Variants in MYT1L observed in about 807,000 individuals in gnomAD.
MYT1L encodes the protein myelin transcription factor 1 like.
In MYT1L, 12 loss-of-function variants were observed where a neutral mutation model predicts 126.7. The observed-to-expected ratio is 0.09, with a 90% CI of 0.06 to 0.15. MYT1L has a LOEUF of 0.15. MYT1L is among the 10% of genes least tolerant of loss of function. The probability of loss-of-function intolerance (pLI) is 1.00; values close to 1 mark genes in which losing one functional copy is unlikely to be tolerated. For synonymous variants in MYT1L, 541 were observed against 604.2 expected, an observed-to-expected ratio of 0.90 and a Z score of 1.53; for missense variants, 979 against 1,585.2, an observed-to-expected ratio of 0.62 and a Z score of 6.49.
chr2:2,194,744 A>G (rs1179467185), intron 2 of MYT1L, among the ~76,000 whole-genome samples: 1 of 152,210 alleles, frequency 6.6e-6, no homozygotes, highest in Non-Finnish European at 1.5e-5. Context: ...CTCTAAAGCC[A>G]AGAACCTTCA....
In MYT1L at chr2:2,276,994, T is replaced by C. The variant is rs191734666; in HGVS notation, c.-421+7410A>G. On this transcript the variant is annotated intron_variant, in intron 2 of 24. Transcript: ENST00000647738. Reference sequence around the variant, plus strand: ...TGATTCTTTTTTTTTCTCTTTTTCTTTTTTTGAGACAGAGTCTCACTCTGT... The same window carrying C: ...TGATTCTTTTTTTTTCTCTTTTTCTCTTTTTGAGACAGAGTCTCACTCTGT... Among the ~76,000 whole-genome samples, 476 of 152,194 alleles carry C rather than the reference T, an allele frequency of 3.1e-3. 3 individuals carry two copies. Among genetic ancestry groups the C allele is most frequent in the Middle Eastern group, 0.014 (4 of 294 alleles).
chr2:1,813,907 G>C (rs1415570507), intron 21 of MYT1L, among the ~76,000 whole-genome samples: 1 of 122,484 alleles, frequency 8.2e-6, no homozygotes, highest in South Asian at 3.6e-4. Flanking sequence ...GGCGCCTGTA[G>C]TCCCAGCTAC....
At chr2:2,185,274 C>T (rs1394480721) in intron 2 of MYT1L, among the ~76,000 whole-genome samples, 1 of 152,240 alleles carries the variant, frequency 6.6e-6, no homozygotes, top group Middle Eastern at 3.2e-3. Flanking sequence ...GCTTATATAA[C>T]ATATTTGTGC....
intron 4 of MYT1L, among the ~76,000 whole-genome samples, chr2:2,005,189 T>C (rs936309078): frequency 4.0e-5 from 6 of 150,816 alleles, no homozygotes; most frequent in African/African-American, 9.8e-5. Flanking sequence ...CATGTGTTTT[T>C]TCCTGCAGGC....
intron 2 of MYT1L, among the ~76,000 whole-genome samples, chr2:2,284,016 G>C (rs956436576): frequency 3.3e-5 from 5 of 152,196 alleles, no homozygotes; most frequent in African/African-American, 1.2e-4. Flanking sequence ...GAAGGAGTAG[G>C]AGTGGGAGGA....
chr2:2,185,010 C>T (rs2091967304), intron 2 of MYT1L, among the ~76,000 whole-genome samples: 1 of 152,170 alleles, frequency 6.6e-6, no homozygotes, highest in South Asian at 2.1e-4. Flanking sequence ...GTAATTGCGT[C>T]TACTTTAGAA....
At chr2:2,273,382 G>C (rs2095302450) in intron 2 of MYT1L, among the ~76,000 whole-genome samples, 2 of 152,204 alleles carry the variant, frequency 1.3e-5, no homozygotes, top group African/African-American at 4.8e-5. Flanking sequence ...ACAGAAAGTG[G>C]GTGGCCATGG....
chr2:1,944,178 G>A (rs997536350), intron 8 of MYT1L, among the ~76,000 whole-genome samples: 1 of 151,948 alleles, frequency 6.6e-6, no homozygotes, highest in African/African-American at 2.4e-5. Flanking sequence ...ATGTATATGT[G>A]TGCCATGTTG....
intron 18 of MYT1L, chr2:1,885,143 G>T (rs999597784): frequency 1.3e-5 from 2 of 152,230 alleles, no homozygotes; most frequent in African/African-American, 4.8e-5. Context: ...CCCTCATCAA[G>T]AAATTCAAAG....
chr2:2,285,303 A>G (rs1470481068), intron 1 of MYT1L, among the ~76,000 whole-genome samples: 1 of 152,196 alleles, frequency 6.6e-6, no homozygotes, highest in African/African-American at 2.4e-5. Flanking sequence ...ATCTAAGGCC[A>G]TATCAGGACA....
At chr2:2,259,403 A>G (rs2094901729) in intron 2 of MYT1L, among the ~76,000 whole-genome samples, 1 of 124,942 alleles carries the variant, frequency 8.0e-6, no homozygotes, top group African/African-American at 3.8e-5. Flanking sequence ...ATAAAAAAAA[A>G]AACATTAAAA....
At chr2:1,891,042 A>C (rs983183714) in intron 15 of MYT1L, among the ~76,000 whole-genome samples, 12 of 152,184 alleles carry the variant, frequency 7.9e-5, no homozygotes, top group Admixed American at 2.0e-4. Flanking sequence ...AATCTCTTCC[A>C]TGCTAACCTT....
At chr2:2,088,196 C>T (rs2076546929) in intron 3 of MYT1L, among the ~76,000 whole-genome samples, 1 of 152,216 alleles carries the variant, frequency 6.6e-6, no homozygotes, top group African/African-American at 2.4e-5. Flanking sequence ...AAGGGGACTT[C>T]TCTGACTTGG....
chr2:2,065,825 C>CAT (rs1265892120), intron 3 of MYT1L, among the ~76,000 whole-genome samples: 1 of 86,088 alleles, frequency 1.2e-5, no homozygotes, highest in Non-Finnish European at 2.4e-5. Flanking sequence ...CTCTTTTATA[C>CAT]ACACACACAC....
intron 3 of MYT1L, among the ~76,000 whole-genome samples, chr2:2,106,246 G>A (rs1405084202): frequency 6.6e-6 from 1 of 152,182 alleles, no homozygotes; most frequent in African/African-American, 2.4e-5. Flanking sequence ...AGTCTTTATT[G>A]TAATTGGTTG....
chr2:2,269,982 G>A (rs976415858), intron 2 of MYT1L, among the ~76,000 whole-genome samples: 13 of 152,314 alleles, frequency 8.5e-5, no homozygotes, highest in Admixed American at 4.6e-4. Flanking sequence ...ACTAATGTTT[G>A]TGTCTCTCCA....
At chr2:2,179,431 G>A (rs2091171327) in intron 2 of MYT1L, among the ~76,000 whole-genome samples, 1 of 152,122 alleles carries the variant, frequency 6.6e-6, no homozygotes, top group African/African-American at 2.4e-5. Flanking sequence ...CCTTCACGCT[G>A]AGAGTGGAAT....
At chr2:2,200,013 G>A (rs773455311) in intron 2 of MYT1L, among the ~76,000 whole-genome samples, 6 of 152,248 alleles carry the variant, frequency 3.9e-5, no homozygotes, top group East Asian at 1.9e-4. Context: ...GGTAAGCCTC[G>A]TTAGGCTGTG....
intron 15 of MYT1L, 53 bp downstream of exon 15, chr2:1,891,984 C>T (rs996999895): frequency 3.6e-5 from 52 of 1,455,478 alleles, no homozygotes; most frequent in Admixed American, 5.0e-5. Context: ...GCTGGGTCCG[C>T]GGCCCGGCCT....
Sources: allele counts gnomAD v4.1 joint callset (sites outside exome capture counted in the v4.1 genomes callset), GRCh38; gene constraint gnomAD v4.1.1; transcripts MANE v1.5; gene names NCBI Gene and HGNC (gene_info 2026-07-23, HGNC 2026-07-21).